The following LUZP2 variants were observed in gnomAD, a reference collection of about 807,000 sequenced individuals.
LUZP2 encodes the protein leucine zipper protein 2.
Under a neutral mutation model 51.6 loss-of-function variants are expected in LUZP2, and 52 were observed. The observed-to-expected ratio is 1.01, with a 90% CI of 0.81 to 1.27. The LOEUF (loss-of-function observed/expected upper bound fraction) is 1.27, where lower values mean the gene tolerates loss of function less well. Among genes scored for constraint, LUZP2 ranks in the 50% most tolerant of loss-of-function variants. LUZP2 has a pLI of 0.00. For missense variants in LUZP2, 436 were observed against 395.4 expected, an observed-to-expected ratio of 1.10 and a Z score of -0.87; for synonymous variants, 154 against 137.3, an observed-to-expected ratio of 1.12 and a Z score of -0.85.
intron 1 of LUZP2, chr11:24,701,250 G>GC (rs1426965389): frequency 6.2e-6 from 1 of 160,064 alleles, no homozygotes; most frequent in African/African-American, 2.4e-5. Context: ...GCAGGCATCC[G>GC]CCAATCACCA....
At chr11:25,057,077 TTTG>T (rs1294838829) in intron 10 of LUZP2, among the ~76,000 whole-genome samples, 1 of 152,008 alleles carries the variant, frequency 6.6e-6, no homozygotes, top group Admixed American at 6.6e-5. Flanking sequence ...TTTGAGAAAT[TTTG>T]TTGTTCATTT....
At chr11:24,850,121 A>C (rs1197966482) in intron 5 of LUZP2, among the ~76,000 whole-genome samples, 1 of 151,768 alleles carries the variant, frequency 6.6e-6, no homozygotes, top group Non-Finnish European at 1.5e-5. Context: ...GAAGCTCTTT[A>C]GTTTAATTAG....
intron 1 of LUZP2, among the ~76,000 whole-genome samples, chr11:24,711,873 T>A (rs904869833): frequency 6.6e-6 from 1 of 152,144 alleles, no homozygotes; most frequent in Middle Eastern, 3.2e-3. Context: ...CATATGTATA[T>A]ACTCCTAGAA....
chr11:25,019,602 T>A (rs779404548), intron 9 of LUZP2, among the ~76,000 whole-genome samples: 8 of 152,170 alleles, frequency 5.3e-5, no homozygotes, highest in Non-Finnish European at 8.8e-5. Context: ...TGTTTCTTCA[T>A]TTTTATGTCC....
intron 5 of LUZP2, among the ~76,000 whole-genome samples, chr11:24,787,760 A>G (rs1439307777): frequency 4.6e-5 from 7 of 152,192 alleles, no homozygotes; most frequent in Admixed American, 2.0e-4. Context: ...TTGTTCTTGT[A>G]ATTCACAAAG....
intron 6 of LUZP2, among the ~76,000 whole-genome samples, chr11:24,911,739 G>T (rs1853643743): frequency 6.6e-6 from 1 of 152,182 alleles, no homozygotes; most frequent in South Asian, 2.1e-4. Flanking sequence ...ATAAGACATA[G>T]ATGCTGTACT....
At chr11:24,933,347 C>T (rs1281411409) in intron 7 of LUZP2, among the ~76,000 whole-genome samples, 1 of 152,130 alleles carries the variant, frequency 6.6e-6, no homozygotes. Context: ...TCCTATCCAC[C>T]ATTTTCGCTG....
intron 5 of LUZP2, among the ~76,000 whole-genome samples, chr11:24,903,688 C>G (rs1853348092): frequency 6.6e-6 from 1 of 152,126 alleles, no homozygotes; most frequent in Non-Finnish European, 1.5e-5. Context: ...TATCTGCTCT[C>G]CTTTAGCCTG....
intron 10 of LUZP2, 111 bp from the exon 11 acceptor site, chr11:25,077,218 C>A: frequency 1.2e-6 from 1 of 836,676 alleles, no homozygotes. Context: ...CAGTATGGAT[C>A]AAAGTGATAG....
chr11:24,972,138 C>A (rs184804761), intron 7 of LUZP2, among the ~76,000 whole-genome samples: 1 of 3,746 alleles, frequency 2.7e-4, no homozygotes, highest in Non-Finnish European at 5.6e-3. Flanking sequence ...AGTGAGACTC[C>A]GAAAAAAAAA....
intron 5 of LUZP2, among the ~76,000 whole-genome samples, chr11:24,864,518 G>A (rs1486677): frequency 0.97 from 148,399 of 152,318 alleles, 72,327 homozygotes; most frequent in Middle Eastern, 1. Context: ...TCACATATGA[G>A]CTTGTTTCTC....
rs138283874 is a variant in LUZP2 at position 24,688,843 on chromosome 11, T to C, written c.63-40326T>C. ...GGGTACCACACTTTGTAGCCATTTA[T>C]ACAACCTGAGGTAGGCTCTGCTATC... On this transcript the variant is annotated intron_variant, in intron 1 of 11. Coordinates refer to ENST00000336930, the MANE Select transcript of LUZP2 (RefSeq NM_001009909.4). 1.6e-4 allele frequency among the ~76,000 whole-genome samples: 24 copies of C among 152,286 alleles called. No homozygotes were observed. The East Asian group carries it at 4.6e-3, about 30-fold the overall frequency.
At chr11:24,908,765 T>C (rs546108982) in intron 6 of LUZP2, among the ~76,000 whole-genome samples, 278 of 149,778 alleles carry the variant, frequency 1.9e-3, no homozygotes, top group African/African-American at 6.6e-3. Flanking sequence ...TTTCTTTTTT[T>C]TTTTTTTTGA....
rs373199634 is a variant in LUZP2, at chr11:24,530,762, C to A, written c.62+33457C>A. Among the ~76,000 whole-genome samples, 14 of 75,394 alleles carry A rather than the reference C, an allele frequency of 1.9e-4. No homozygotes were observed. In the East Asian group the frequency reaches 7.1e-3, roughly 38 times the overall value. The allele number at this position is 75,394 out of a possible 152,430, so 49.5% of individuals were successfully genotyped here. Reference sequence around the variant, plus strand: ...TAACCTATTTGATTCCTTCTTCTTACTTTTTTTTTTTTTTTTTTTTTTTGG... The same window carrying A: ...TAACCTATTTGATTCCTTCTTCTTAATTTTTTTTTTTTTTTTTTTTTTTGG... On this transcript the variant is annotated intron_variant, in intron 1 of 11. Coordinates refer to ENST00000336930, the MANE Select transcript of LUZP2 (RefSeq NM_001009909.4).
chr11:24,637,760 C>A (rs1342774394), intron 1 of LUZP2, among the ~76,000 whole-genome samples: 1 of 151,836 alleles, frequency 6.6e-6, no homozygotes, highest in Non-Finnish European at 1.5e-5. Context: ...TGTGCTCTTG[C>A]ACCCTGTTTC....
At chr11:24,527,567 T>TCACACACA (rs1554948856) in intron 1 of LUZP2, among the ~76,000 whole-genome samples, 2,820 of 131,580 alleles carry the variant, frequency 0.021, 32 homozygotes, top group Non-Finnish European at 0.024. Context: ...TCTCTCTCTC[T>TCACACACA]CACACACACA....
At chr11:24,528,793 G>A (rs1231384641) in intron 1 of LUZP2, among the ~76,000 whole-genome samples, 1 of 151,012 alleles carries the variant, frequency 6.6e-6, no homozygotes, top group Non-Finnish European at 1.5e-5. Context: ...ATCTTACAAG[G>A]CTTTTCTGGT....
chr11:25,014,862 T>C (rs895754984), intron 9 of LUZP2, among the ~76,000 whole-genome samples: 1 of 125,022 alleles, frequency 8.0e-6, no homozygotes, highest in African/African-American at 2.5e-5. Context: ...TAGATTTTCT[T>C]CTAGGGTTTT....
chr11:24,854,232 A>G (rs1423316673), intron 5 of LUZP2, among the ~76,000 whole-genome samples: 1 of 152,148 alleles, frequency 6.6e-6, no homozygotes, highest in Non-Finnish European at 1.5e-5. Context: ...CTGTCCCTTC[A>G]CCCAGGTGCT....
Sources: allele counts gnomAD v4.1 joint callset (sites outside exome capture counted in the v4.1 genomes callset), GRCh38; gene constraint gnomAD v4.1.1; transcripts MANE v1.5; gene names NCBI Gene and HGNC (gene_info 2026-07-23, HGNC 2026-07-21).